The following PDZD9 variants were observed in gnomAD, a reference collection of about 807,000 sequenced individuals.
The protein encoded by PDZD9 is PDZ domain containing 9.
A neutral mutation model predicts 16.3 loss-of-function variants in PDZD9; 13 were observed. The observed-to-expected ratio is 0.80, with a 90% CI of 0.52 to 1.27. PDZD9 has a LOEUF of 1.27. Among genes scored for constraint, PDZD9 ranks in the 50% most tolerant of loss-of-function variants. PDZD9 has a pLI of 0.00. For synonymous variants in PDZD9, 120 were observed against 111.0 expected, an observed-to-expected ratio of 1.08 and a Z score of -0.51; for missense variants, 288 against 310.9, an observed-to-expected ratio of 0.93 and a Z score of 0.55.
chr16:21,976,128 T>C, the PDZD9 span: 1 of 1,458,144 alleles, frequency 6.9e-7, no homozygotes, highest in Non-Finnish European at 9.6e-7. Context: ...GAGACTCTGG[T>C]ACTGACCACA....
chr16:21,962,840 C>T, the PDZD9 span: 1 of 1,614,046 alleles, frequency 6.2e-7, no homozygotes, highest in Non-Finnish European at 8.5e-7. Context: ...CCTTCAGCCT[C>T]AGCTAAAGAT....
At chr16:21,966,159 A>AT in the PDZD9 span, among the ~76,000 whole-genome samples, 34 of 135,154 alleles carry the variant, frequency 2.5e-4, no homozygotes, top group African/African-American at 9.1e-4. Flanking sequence ...ACAAAAAAAA[A>AT]ATATATATAT....
the PDZD9 span, chr16:21,957,676 A>G: frequency 6.9e-7 from 1 of 1,450,408 alleles, no homozygotes; most frequent in Non-Finnish European, 9.3e-7. Context: ...GACCTGCCAT[A>G]ACAAATTACC....
At chr16:21,999,972 C>T (rs926768456) in intron 1 of PDZD9, among the ~76,000 whole-genome samples, 9 of 151,886 alleles carry the variant, frequency 5.9e-5, no homozygotes, top group East Asian at 1.9e-4. Context: ...GCCTGGAAGG[C>T]GGGGGTTGCA....
At chr16:21,962,594 C>T in the PDZD9 span, 3 of 1,599,338 alleles carry the variant, frequency 1.9e-6, no homozygotes, top group Non-Finnish European at 2.6e-6. Flanking sequence ...TGTAATGCGT[C>T]ATTATGACCT....
At chr16:21,973,638 A>C in the PDZD9 span, among the ~76,000 whole-genome samples, 2 of 152,224 alleles carry the variant, frequency 1.3e-5, no homozygotes, top group Non-Finnish European at 1.5e-5. Flanking sequence ...CATCTAAAGC[A>C]GGTTAGAAAA....
chr16:21,968,000 CTT>C, the PDZD9 span, among the ~76,000 whole-genome samples: 12 of 137,072 alleles, frequency 8.8e-5, no homozygotes, highest in Admixed American at 1.5e-4. Flanking sequence ...CTTTTTATTC[CTT>C]TTTTTTTTTT....
the PDZD9 span, among the ~76,000 whole-genome samples, chr16:21,974,443 A>T: frequency 5.3e-5 from 8 of 152,330 alleles, no homozygotes; most frequent in South Asian, 1.7e-3. Flanking sequence ...AGAAGCTGAT[A>T]TATTTGAAGG....
In PDZD9 at chr16:21,984,159, G is replaced by C. The variant is rs1898807891; in HGVS notation, c.*108C>G. On this transcript the variant is annotated 3_prime_UTR_variant, in exon 4 of 4. Transcript: ENST00000424898. ...TTTATAACGCAGTCATAAGAGAAGA[G>C]AATTGGTGAGTCTACAGACAGTCCT... 7 of 1,218,686 alleles carry C rather than the reference G, an allele frequency of 5.7e-6. No homozygotes were observed. Among genetic ancestry groups the C allele is most frequent in the Non-Finnish European group, 8.0e-6 (7 of 874,778 alleles). The allele number at this position is 1,218,686 out of a possible 1,614,324, so 75.5% of individuals were successfully genotyped here. A position where few individuals can be genotyped will look rare whatever the true frequency, so the allele number is the denominator to read the frequency against.
Position 21,984,397 on chromosome 16 carries a change from T to G in PDZD9, c.665A>C (p.Tyr222Ser), listed in dbSNP as rs1428483899. The G allele has an allele frequency of 6.2e-7, 1 of 1,614,110 alleles. No homozygotes were observed. The highest frequency in any genetic ancestry group is 1.1e-5 in the South Asian group (1 of 91,078). The change falls in exon 4 of 4, where the codon TAC (tyrosine) becomes TCC (serine). Residue 222 changes from tyrosine (Y) to serine (S), a missense_variant. By Grantham distance (144) the Tyr-to-Ser change is moderately radical. Coordinates refer to ENST00000424898, the MANE Select transcript of PDZD9 (RefSeq NM_001363519.1). ...ATTGTCTTGCTTCACCATTATCCAG[T>G]ATGGAGAAGGGGCCCTCACTTCTTT... ...DKKEVRAPSP[Y>S]WIMVKQDNES...
chr16:21,981,005 G>A (rs1330089435), downstream of PDZD9, among the ~76,000 whole-genome samples: 2 of 152,120 alleles, frequency 1.3e-5, no homozygotes, highest in African/African-American at 2.4e-5. Context: ...CGTATCAAAC[G>A]TTAGGTTAAA....
chr16:21,979,642 T>G (rs1398928059), downstream of PDZD9, among the ~76,000 whole-genome samples: 1 of 152,212 alleles, frequency 6.6e-6, no homozygotes, highest in African/African-American at 2.4e-5. Flanking sequence ...TTTTATGGCA[T>G]AGCTCCTGCT....
chr16:21,983,398 G>T (rs1312779976), downstream of PDZD9: 8 of 496,444 alleles, frequency 1.6e-5, no homozygotes, highest in Non-Finnish European at 2.5e-5. Context: ...TATTTATTAT[G>T]TGCTGATATC....
chr16:21,969,673 C>T, the PDZD9 span, among the ~76,000 whole-genome samples: 1 of 152,124 alleles, frequency 6.6e-6, no homozygotes, highest in Non-Finnish European at 1.5e-5. Context: ...TTGCAAATTA[C>T]AGCTTAAGAT....
chr16:21,980,722 G>A (rs758410338), downstream of PDZD9: 15 of 1,611,726 alleles, frequency 9.3e-6, no homozygotes, highest in South Asian at 7.7e-5. Context: ...AAAACTTAAC[G>A]ATTTAACAAC....
chr16:21,976,004 A>C, the PDZD9 span, among the ~76,000 whole-genome samples: 1 of 152,176 alleles, frequency 6.6e-6, no homozygotes, highest in African/African-American at 2.4e-5. Context: ...GAACATAGGA[A>C]GAATAAGGAA....
intron 2 of PDZD9, among the ~76,000 whole-genome samples, chr16:21,990,257 A>G (rs1177777743): frequency 3.3e-5 from 5 of 152,208 alleles, no homozygotes; most frequent in Non-Finnish European, 7.3e-5. Flanking sequence ...TTCAGATCTT[A>G]CTAGTACTGA....
chr16:21,987,413 C>T (rs1368043884), intron 3 of PDZD9, among the ~76,000 whole-genome samples: 5 of 151,794 alleles, frequency 3.3e-5, no homozygotes, highest in Non-Finnish European at 7.4e-5. Flanking sequence ...AGAGCAAAAC[C>T]TCGTCTCCAA....
At chr16:21,997,539 A>G (rs1899180791) in intron 1 of PDZD9, among the ~76,000 whole-genome samples, 1 of 152,214 alleles carries the variant, frequency 6.6e-6, no homozygotes, top group Non-Finnish European at 1.5e-5. Flanking sequence ...AAATGAAATG[A>G]CATGAAAATG....
Sources: allele counts gnomAD v4.1 joint callset (sites outside exome capture counted in the v4.1 genomes callset), GRCh38; gene constraint gnomAD v4.1.1; transcripts MANE v1.5; gene names NCBI Gene and HGNC (gene_info 2026-07-23, HGNC 2026-07-21).